The following FAM124A variants were observed in gnomAD, a reference collection of about 807,000 sequenced individuals.
FAM124A encodes the protein family with sequence similarity 124 member A.
In FAM124A, 23 loss-of-function variants were observed where a neutral mutation model predicts 24.5. The observed-to-expected ratio is 0.94, with a 90% CI of 0.68 to 1.33. The LOEUF is 1.33. Ranked by LOEUF, FAM124A falls within the 40% of genes most tolerant of loss-of-function variation. The pLI, the probability that FAM124A is intolerant of heterozygous loss-of-function variation, is 0.00. For synonymous variants in FAM124A, 287 were observed against 314.7 expected (o/e 0.91, Z 0.93); for missense variants, 623 against 722.8 (o/e 0.86, Z 1.58).
intron 2 of FAM124A, among the ~76,000 whole-genome samples, chr13:51,248,566 T>G (rs1032836886): frequency 6.6e-6 from 1 of 152,286 alleles, no homozygotes; most frequent in East Asian, 1.9e-4. Flanking sequence ...GGGTGTGAAG[T>G]TTGGCTGATC....
At chr13:51,228,744 C>T (rs1474283318) in intron 1 of FAM124A, among the ~76,000 whole-genome samples, 1 of 152,062 alleles carries the variant, frequency 6.6e-6, no homozygotes, top group African/African-American at 2.4e-5. Flanking sequence ...CTTTCCTAAC[C>T]GTATTTCTAG....
chr13:51,223,249 A>C (rs1954280391), intron 1 of FAM124A, among the ~76,000 whole-genome samples: 1 of 151,852 alleles, frequency 6.6e-6, no homozygotes, highest in South Asian at 2.1e-4. Flanking sequence ...AATGGGCTCA[A>C]ACCTTTGGAG....
chr13:51,254,768 G>A (rs777647927), intron 3 of FAM124A, among the ~76,000 whole-genome samples: 9 of 152,086 alleles, frequency 5.9e-5, no homozygotes, highest in African/African-American at 1.9e-4. Context: ...GAATCTTTCC[G>A]GATCCCCCAT....
chr13:51,255,262 C>T (rs1307065612), intron 3 of FAM124A, among the ~76,000 whole-genome samples: 2 of 152,104 alleles, frequency 1.3e-5, no homozygotes, highest in South Asian at 2.1e-4. Flanking sequence ...ATTAGATAAA[C>T]CAAGTGTGAC....
At chr13:51,278,148 C>T (rs756947031) in intron 3 of FAM124A, among the ~76,000 whole-genome samples, 36 of 152,326 alleles carry the variant, frequency 2.4e-4, no homozygotes, top group Admixed American at 4.6e-4. Flanking sequence ...ACGAGTACAT[C>T]GCTGCTGTCA....
chr13:51,270,169 G>A (rs4941695), intron 3 of FAM124A, among the ~76,000 whole-genome samples: 31,489 of 152,056 alleles, frequency 0.21, 3,367 homozygotes, highest in Middle Eastern at 0.3. Flanking sequence ...AGATCATCCT[G>A]TAGCCTTAAG....
chr13:51,273,288 A>T (rs903416929), intron 3 of FAM124A, among the ~76,000 whole-genome samples: 3 of 152,146 alleles, frequency 2.0e-5, no homozygotes, highest in Non-Finnish European at 4.4e-5. Context: ...TAGTGGATAG[A>T]GGTCAGGGAT....
chr13:51,264,125 T>G (rs1954762491), intron 3 of FAM124A, among the ~76,000 whole-genome samples: 1 of 152,260 alleles, frequency 6.6e-6, no homozygotes, highest in South Asian at 2.1e-4. Context: ...ATTGGTACTC[T>G]AGGCCAGTGG....
chr13:51,248,652 A>G (rs937465729), intron 2 of FAM124A, among the ~76,000 whole-genome samples: 2 of 152,020 alleles, frequency 1.3e-5, no homozygotes, highest in South Asian at 4.2e-4. Context: ...TCCCCCAAGT[A>G]TGTTCTTATG....
intron 3 of FAM124A, among the ~76,000 whole-genome samples, chr13:51,271,510 T>C (rs1415401721): frequency 6.6e-6 from 1 of 152,154 alleles, no homozygotes; most frequent in Non-Finnish European, 1.5e-5. Flanking sequence ...AGTTGGCCCT[T>C]GTCCGGCTGC....
Position 51,251,378 on chromosome 13 carries a change from C to G in FAM124A, c.101-90C>G. The G allele has an allele frequency of 7.3e-7, 1 of 1,374,418 alleles. No individual in the cohort carries two copies. The highest frequency in any genetic ancestry group is 1.5e-5 in the African/African-American group (1 of 68,752). The allele number at this position is 1,374,418 out of a possible 1,614,324, so 85.1% of individuals were successfully genotyped here. A position where few individuals can be genotyped will look rare whatever the true frequency, so the allele number is the denominator to read the frequency against. Reference sequence around the variant, plus strand: ...TTCAGTTAGAATTTGACTTCTCTTCCTGTCAAGCCTGTACACGTCATCACT... The same window carrying G: ...TTCAGTTAGAATTTGACTTCTCTTCGTGTCAAGCCTGTACACGTCATCACT... On this transcript the variant is annotated intron_variant, in intron 2 of 3. Coordinates refer to ENST00000322475, the MANE Select transcript of FAM124A (RefSeq NM_001242312.2). This position sits in a 1 kb window ranked among gnomAD's most constrained non-coding sequence, Gnocchi z 5.3.
At chr13:51,229,373 C>A (rs1309288066) in intron 1 of FAM124A, among the ~76,000 whole-genome samples, 1 of 152,172 alleles carries the variant, frequency 6.6e-6, no homozygotes, top group African/African-American at 2.4e-5. Flanking sequence ...CCGGTGGTGC[C>A]CTTAGTCTCT....
chr13:51,231,386 A>T lies in FAM124A; in HGVS notation c.100+7A>T. ...CACCTGTCCTCCACGAGCAGTAAGT[A>T]TCTTTTAAACATCCTTCAGCATTGT... On this transcript the variant is annotated splice_region_variant and intron_variant, in intron 2 of 3. Transcript: ENST00000322475. 6.2e-7 allele frequency: 1 copy of T among 1,613,982 alleles called. No individual in the cohort carries two copies. The highest frequency in any genetic ancestry group is 8.5e-7 in the Non-Finnish European group (1 of 1,179,976).
intron 2 of FAM124A, among the ~76,000 whole-genome samples, chr13:51,234,198 G>A (rs1313100498): frequency 6.6e-6 from 1 of 152,162 alleles, no homozygotes; most frequent in Non-Finnish European, 1.5e-5. Flanking sequence ...CAACATTCAC[G>A]TGATGCTCCT....
At chr13:51,234,766 T>A (rs1000270878) in intron 2 of FAM124A, among the ~76,000 whole-genome samples, 2 of 152,174 alleles carry the variant, frequency 1.3e-5, no homozygotes, top group East Asian at 1.9e-4. Context: ...CTGGGCATCC[T>A]CTCTCGTGGC....
chr13:51,270,734 C>T (rs553900129), intron 3 of FAM124A, among the ~76,000 whole-genome samples: 5 of 152,346 alleles, frequency 3.3e-5, no homozygotes, highest in South Asian at 2.1e-4. Context: ...ATGGCCATGA[C>T]GTCCATGTAT....
intron 3 of FAM124A, among the ~76,000 whole-genome samples, chr13:51,267,807 T>G (rs1308864599): frequency 6.6e-6 from 1 of 152,234 alleles, no homozygotes; most frequent in Non-Finnish European, 1.5e-5. Context: ...GCCTTTTCAG[T>G]ACTCCTTTAC....
chr13:51,245,723 T>G (rs1054587457), intron 2 of FAM124A, among the ~76,000 whole-genome samples: 1 of 152,228 alleles, frequency 6.6e-6, no homozygotes, highest in African/African-American at 2.4e-5. Flanking sequence ...CAAATGGTCT[T>G]GAGCAGGTCA....
At chr13:51,223,130 C>T (rs1327050641) in intron 1 of FAM124A, among the ~76,000 whole-genome samples, 2 of 152,116 alleles carry the variant, frequency 1.3e-5, no homozygotes, top group African/African-American at 4.8e-5. Flanking sequence ...CCTGTCCCAG[C>T]TGGACCCTTT....
Sources: gnomAD v4.1 joint callset for allele counts (sites outside exome capture counted in the v4.1 genomes callset) on GRCh38, gnomAD v4.1.1 for gene constraint, Gnocchi (gnomAD v3.1) non-coding constraint, MANE v1.5 for transcripts, NCBI Gene and HGNC (gene_info 2026-07-23, HGNC 2026-07-21) for gene names.